SIPA1L1: variants seen among roughly 807,000 people sequenced by gnomAD.
The protein encoded by SIPA1L1 is signal-induced proliferation-associated 1-like protein 1.
Under a neutral mutation model 162.7 loss-of-function variants are expected in SIPA1L1, and 26 were observed. The ratio of observed to expected loss-of-function variants is 0.16; its 90% CI spans 0.12 to 0.22. The LOEUF is 0.22. Ranked by LOEUF, SIPA1L1 falls within the 10% of genes least tolerant of loss-of-function variation. The pLI is 1.00. For synonymous variants in SIPA1L1, 829 were observed against 837.4 expected (o/e 0.99, Z 0.17); for missense variants, 1,874 against 2,241.0 (o/e 0.84, Z 3.31).
intron 5 of SIPA1L1, among the ~76,000 whole-genome samples, chr14:71,591,594 A>G (rs534746798): frequency 6.6e-6 from 1 of 152,332 alleles, no homozygotes; most frequent in East Asian, 1.9e-4. Context: ...GGAACTAGTG[A>G]ATTGAAAATA....
rs557101802 is a variant in SIPA1L1 at position 71,678,617 on chromosome 14, C to T, written c.3104+5995C>T. Among the ~76,000 whole-genome samples, 5 of 152,188 alleles carry T rather than the reference C, an allele frequency of 3.3e-5. No homozygotes were observed. The East Asian group carries it at 5.8e-4, about 18-fold the overall frequency. On this transcript the variant is annotated intron_variant, in intron 12 of 23. Transcript: ENST00000381232. ...CTAAAATTCTTCTTTTTTGTTGTGT[C>T]TCTGCCCGGCTTTGGTATCAGGATG... is the stretch of plus-strand genomic sequence containing the variant.
intron 2 of SIPA1L1, among the ~76,000 whole-genome samples, chr14:71,348,599 T>C (rs1446936143): frequency 6.6e-6 from 1 of 152,206 alleles, no homozygotes; most frequent in African/African-American, 2.4e-5. Context: ...GATGTATGTC[T>C]AAGAGTGGAC....
intron 2 of SIPA1L1, among the ~76,000 whole-genome samples, chr14:71,345,058 C>G (rs2036020415): frequency 6.6e-6 from 1 of 152,034 alleles, no homozygotes; most frequent in Non-Finnish European, 1.5e-5. Flanking sequence ...CCCTGGGTGT[C>G]TGGGGAAGGC....
intron 4 of SIPA1L1, among the ~76,000 whole-genome samples, chr14:71,560,116 C>G (rs1301947475): frequency 2.0e-5 from 3 of 152,130 alleles, no homozygotes; most frequent in Non-Finnish European, 4.4e-5. Flanking sequence ...TAAACTTTAT[C>G]TTTGATCAAA....
intron 2 of SIPA1L1, among the ~76,000 whole-genome samples, chr14:71,339,203 CTCT>C (rs1298784789): frequency 1.3e-5 from 2 of 152,166 alleles, no homozygotes; most frequent in African/African-American, 4.8e-5. Context: ...GAGACCATTT[CTCT>C]TTTTTTCATG....
At chr14:71,460,551 G>C (rs1174041275) in intron 2 of SIPA1L1, among the ~76,000 whole-genome samples, 1 of 152,148 alleles carries the variant, frequency 6.6e-6, no homozygotes, top group East Asian at 1.9e-4. Context: ...TTAAAGGTAG[G>C]AGGAGCCCAA....
At chr14:71,329,108 A>G (rs558013655) in intron 2 of SIPA1L1, among the ~76,000 whole-genome samples, 8 of 152,318 alleles carry the variant, frequency 5.3e-5, no homozygotes, top group East Asian at 3.9e-4. Flanking sequence ...CAGGATTTCT[A>G]TCTTTTTAAA....
At chr14:71,421,404 G>A (rs2043178171) in intron 2 of SIPA1L1, among the ~76,000 whole-genome samples, 1 of 152,086 alleles carries the variant, frequency 6.6e-6, no homozygotes, top group Non-Finnish European at 1.5e-5. Flanking sequence ...ACCAGCCTGG[G>A]CAACATAGTG....
chr14:71,552,630 T>C (rs1341950017), intron 4 of SIPA1L1, among the ~76,000 whole-genome samples: 1 of 152,104 alleles, frequency 6.6e-6, no homozygotes, highest in Non-Finnish European at 1.5e-5. Flanking sequence ...TCTCCTGACC[T>C]TGTGATCCGC....
intron 7 of SIPA1L1, among the ~76,000 whole-genome samples, chr14:71,644,818 A>G (rs936067568): frequency 5.3e-5 from 8 of 152,054 alleles, no homozygotes; most frequent in African/African-American, 1.9e-4. Flanking sequence ...TCCCCTTTAT[A>G]TTTTCAAGAC....
intron 12 of SIPA1L1, 22 bp from the exon 13 acceptor site, chr14:71,685,340 C>T (rs750951275): frequency 6.2e-7 from 1 of 1,612,270 alleles, no homozygotes; most frequent in Non-Finnish European, 8.5e-7. Flanking sequence ...TTGTGTTTCT[C>T]CCTGTGCCTT....
chr14:71,386,296 A>G (rs926407664), intron 2 of SIPA1L1, among the ~76,000 whole-genome samples: 3 of 152,186 alleles, frequency 2.0e-5, no homozygotes, highest in Non-Finnish European at 4.4e-5. Context: ...CCAGCACAGG[A>G]GAAAGATGTA....
At chr14:71,692,021 G>C (rs995488167) in intron 13 of SIPA1L1, among the ~76,000 whole-genome samples, 1 of 152,120 alleles carries the variant, frequency 6.6e-6, no homozygotes, top group Non-Finnish European at 1.5e-5. Flanking sequence ...TTTTTAAGAA[G>C]AGTTTCCTCA....
intron 2 of SIPA1L1, among the ~76,000 whole-genome samples, chr14:71,355,126 G>A (rs957199931): frequency 3.9e-5 from 6 of 152,216 alleles, no homozygotes; most frequent in African/African-American, 9.7e-5. Context: ...TACCTGAAAA[G>A]TACCTTGTGT....
chr14:71,450,721 T>A (rs985854003), intron 2 of SIPA1L1, among the ~76,000 whole-genome samples: 2 of 151,542 alleles, frequency 1.3e-5, no homozygotes, highest in African/African-American at 4.9e-5. Flanking sequence ...CCTGTTAGAA[T>A]GGCTGTTATT....
At chr14:71,622,997 G>C (rs1002902250) in intron 6 of SIPA1L1, among the ~76,000 whole-genome samples, 3 of 152,064 alleles carry the variant, frequency 2.0e-5, no homozygotes, top group African/African-American at 7.2e-5. Context: ...GTTGTCTCTT[G>C]ACATTTTCTT....
chr14:71,520,593 CT>C (rs112605594), intron 3 of SIPA1L1, among the ~76,000 whole-genome samples: 1 of 152,034 alleles, frequency 6.6e-6, no homozygotes, highest in East Asian at 1.9e-4. Context: ...TGGTGTTGAA[CT>C]TTCTGTAAAC....
chr14:71,343,915 C>G (rs2035902021), intron 2 of SIPA1L1, among the ~76,000 whole-genome samples: 1 of 152,170 alleles, frequency 6.6e-6, no homozygotes, highest in Admixed American at 6.5e-5. Context: ...ATGCTTTTCT[C>G]AGATACTAAT....
At chr14:71,728,690 C>G (rs17100964) in intron 19 of SIPA1L1, among the ~76,000 whole-genome samples, 10,564 of 152,276 alleles carry the variant, frequency 0.069, 729 homozygotes, top group African/African-American at 0.18. Context: ...TTCAGAGTGT[C>G]ATGGGAAGTC....
Sources: allele counts gnomAD v4.1 joint callset (sites outside exome capture counted in the v4.1 genomes callset), GRCh38; gene constraint gnomAD v4.1.1; transcripts MANE v1.5; gene names NCBI Gene and HGNC (gene_info 2026-07-23, HGNC 2026-07-21).